The following RUNDC3B variants were observed in gnomAD, a reference collection of about 807,000 sequenced individuals.
RUNDC3B encodes the protein RUN domain containing 3B, also known as RUN domain-containing protein 3B.
Under a neutral mutation model 58.4 loss-of-function variants are expected in RUNDC3B, and 33 were observed. The observed-to-expected ratio is 0.56, with a 90% confidence interval of 0.43 to 0.75. The LOEUF is 0.75. Ranked by LOEUF, RUNDC3B falls within the 30% of genes least tolerant of loss-of-function variation. The probability of loss-of-function intolerance (pLI) is 0.00; values close to 1 mark genes in which losing one functional copy is unlikely to be tolerated. For synonymous variants in RUNDC3B, 193 were observed against 195.2 expected (o/e 0.99, Z 0.10); for missense variants, 501 against 535.7 (o/e 0.94, Z 0.64).
intron 7 of RUNDC3B, among the ~76,000 whole-genome samples, chr7:87,777,492 T>C (rs1834699132): frequency 6.6e-6 from 1 of 152,244 alleles, no homozygotes; most frequent in Non-Finnish European, 1.5e-5. Context: ...CATTCTGTTT[T>C]TAGGGCTGTA....
At chr7:87,747,442 A>T (rs1832711992) in intron 6 of RUNDC3B, among the ~76,000 whole-genome samples, 1 of 152,074 alleles carries the variant, frequency 6.6e-6, no homozygotes, top group African/African-American at 2.4e-5. Flanking sequence ...TTAATGCTCT[A>T]TTTTTGTGCT....
intron 6 of RUNDC3B, among the ~76,000 whole-genome samples, chr7:87,751,360 C>G (rs186782790): frequency 6.6e-6 from 1 of 152,060 alleles, no homozygotes; most frequent in African/African-American, 2.4e-5. Flanking sequence ...CTTGGTGATG[C>G]GGGCTCTTTT....
intron 2 of RUNDC3B, among the ~76,000 whole-genome samples, chr7:87,677,377 A>G (rs749360004): frequency 2.6e-5 from 4 of 151,928 alleles, no homozygotes. Flanking sequence ...GCAGTAACAG[A>G]TGAACCTGGA....
intron 1 of RUNDC3B, among the ~76,000 whole-genome samples, chr7:87,641,086 A>G (rs182702306): frequency 6.6e-6 from 1 of 152,232 alleles, no homozygotes; most frequent in East Asian, 1.9e-4. Context: ...TGTCACATCT[A>G]GAATGTTATT....
chr7:87,763,299 T>A (rs2130857505), intron 6 of RUNDC3B, among the ~76,000 whole-genome samples: 1 of 151,552 alleles, frequency 6.6e-6, no homozygotes, highest in African/African-American at 2.4e-5. Context: ...TAGGCATAAT[T>A]GTTACTGTTT....
At chr7:87,698,398 A>C (rs1050321861) in intron 2 of RUNDC3B, among the ~76,000 whole-genome samples, 25 of 152,084 alleles carry the variant, frequency 1.6e-4, no homozygotes, top group African/African-American at 5.8e-4. Context: ...CGGCTGCAAA[A>C]TTTTATTTTT....
At chr7:87,772,675 G>A (rs893771089) in intron 7 of RUNDC3B, among the ~76,000 whole-genome samples, 1 of 151,954 alleles carries the variant, frequency 6.6e-6, no homozygotes, top group Non-Finnish European at 1.5e-5. Flanking sequence ...AATAAGGAAA[G>A]CTTGATCGAT....
intron 7 of RUNDC3B, among the ~76,000 whole-genome samples, chr7:87,774,165 T>G (rs1584172781): frequency 6.6e-6 from 1 of 151,932 alleles, no homozygotes; most frequent in Admixed American, 6.6e-5. Context: ...AAAGAAAAAA[T>G]TGTCTAAATT....
At chr7:87,767,031 T>C (rs999073968) in intron 6 of RUNDC3B, among the ~76,000 whole-genome samples, 1 of 152,184 alleles carries the variant, frequency 6.6e-6, no homozygotes, top group Non-Finnish European at 1.5e-5. Context: ...TTTTATACTG[T>C]TAAAGCTTTC....
At chr7:87,663,763 C>G (rs1490868096) in intron 2 of RUNDC3B, among the ~76,000 whole-genome samples, 1 of 152,050 alleles carries the variant, frequency 6.6e-6, no homozygotes, top group Non-Finnish European at 1.5e-5. Context: ...ATTTATTTCT[C>G]AGTTCTGGAG....
chr7:87,724,829 G>C (rs553569777), intron 4 of RUNDC3B, among the ~76,000 whole-genome samples: 1 of 151,950 alleles, frequency 6.6e-6, no homozygotes, highest in African/African-American at 2.4e-5. Flanking sequence ...CTCAACATTA[G>C]ATTACTTCGA....
At chr7:87,643,731 T>A (rs1822686813) in intron 1 of RUNDC3B, among the ~76,000 whole-genome samples, 1 of 151,790 alleles carries the variant, frequency 6.6e-6, no homozygotes, top group Non-Finnish European at 1.5e-5. Flanking sequence ...TTCACCATAT[T>A]GCCCAGGCTA....
At chr7:87,662,169 AG>A (rs142999199) in intron 2 of RUNDC3B, among the ~76,000 whole-genome samples, 7,317 of 152,176 alleles carry the variant, frequency 0.048, 257 homozygotes, top group East Asian at 0.089. Flanking sequence ...TCAGATGAGT[AG>A]TCTGCAAATA....
chr7:87,739,719 C>G, intron 4 of RUNDC3B, 72 bp from the exon 5 acceptor site: 1 of 672,584 alleles, frequency 1.5e-6, no homozygotes, highest in Non-Finnish European at 2.6e-6. Flanking sequence ...AGTTTGGGCT[C>G]TAAATGATTT....
intron 4 of RUNDC3B, among the ~76,000 whole-genome samples, chr7:87,733,172 G>T (rs149095857): frequency 2.6e-5 from 4 of 152,108 alleles, no homozygotes; most frequent in Non-Finnish European, 4.4e-5. Flanking sequence ...CACAAAGGTC[G>T]CATTCCATTC....
At chr7:87,690,220 A>T (rs1827882549) in intron 2 of RUNDC3B, among the ~76,000 whole-genome samples, 1 of 152,122 alleles carries the variant, frequency 6.6e-6, no homozygotes, top group South Asian at 2.1e-4. Context: ...CTTATTATCC[A>T]TAAATTCAAA....
At chr7:87,756,885 C>A (rs1453807461) in intron 6 of RUNDC3B, among the ~76,000 whole-genome samples, 1 of 152,008 alleles carries the variant, frequency 6.6e-6, no homozygotes, top group Non-Finnish European at 1.5e-5. Context: ...AGATAATACC[C>A]TCTCCCTCCT....
Position 87,830,048 on chromosome 7 carries a change from C to A in RUNDC3B, c.*18C>A, listed in dbSNP as rs1838052523. On this transcript the variant is annotated 3_prime_UTR_variant, in exon 11 of 11. Transcript: ENST00000394654. ...CATCCTGAAAATTTTTGTGTAAAAG[C>A]CAAAACTTTTTATGTTGTAAATGTT... 6.5e-7 allele frequency: 1 copy of A among 1,537,692 alleles called. No individual in the cohort carries two copies. Among genetic ancestry groups the A allele is most frequent in the Non-Finnish European group, 8.8e-7 (1 of 1,140,410 alleles).
At chr7:87,728,561 C>T (rs1206080235) in intron 4 of RUNDC3B, among the ~76,000 whole-genome samples, 1 of 152,146 alleles carries the variant, frequency 6.6e-6, no homozygotes, top group Non-Finnish European at 1.5e-5. Context: ...GGCTCATGGC[C>T]CTGCAACAAT....
Sources: gnomAD v4.1 joint callset for allele counts (sites outside exome capture counted in the v4.1 genomes callset) on GRCh38, gnomAD v4.1.1 for gene constraint, MANE v1.5 for transcripts, NCBI Gene and HGNC (gene_info 2026-07-23, HGNC 2026-07-21) for gene names.